Variants in FBLN5 observed in about 807,000 individuals in gnomAD.
The protein encoded by FBLN5 is fibulin-5.
Under a neutral mutation model 61.6 loss-of-function variants are expected in FBLN5, and 24 were observed. The observed-to-expected ratio is 0.39, with a 90% CI of 0.28 to 0.55. The LOEUF is 0.55. Among genes scored for constraint, FBLN5 ranks in the 20% least tolerant of loss-of-function variants. The probability of loss-of-function intolerance (pLI) is 0.65; values close to 1 mark genes in which losing one functional copy is unlikely to be tolerated. For synonymous variants in FBLN5, 213 were observed against 219.8 expected, an observed-to-expected ratio of 0.97 and a Z score of 0.27; for missense variants, 470 against 594.1, an observed-to-expected ratio of 0.79 and a Z score of 2.17.
rs139218416 is a variant in FBLN5, at chr14:91,886,790, C to T, written c.739+403G>A. 3.1e-3 allele frequency among the ~76,000 whole-genome samples: 477 copies of T among 152,274 alleles called. 2 individuals carry two copies. Among genetic ancestry groups the T allele is most frequent in the African/African-American group, 9.6e-3 (400 of 41,548 alleles). ...ATTCAATGTTCCCCCCAACCCTACC[C>T]GATAAGACATGCTATTATTCCTGGG... On this transcript the variant is annotated intron_variant, in intron 7 of 10. Coordinates refer to ENST00000342058, the MANE Select transcript of FBLN5 (RefSeq NM_006329.4).
At chr14:91,941,187 T>A (rs921591666) in intron 2 of FBLN5, among the ~76,000 whole-genome samples, 2 of 152,194 alleles carry the variant, frequency 1.3e-5, no homozygotes, top group African/African-American at 2.4e-5. Flanking sequence ...TTTGCCCCCA[T>A]GAAATCCTCT....
intron 9 of FBLN5, among the ~76,000 whole-genome samples, chr14:91,878,839 C>T (rs990356773): frequency 1.3e-4 from 20 of 152,224 alleles, no homozygotes; most frequent in Admixed American, 1.3e-3. Context: ...TATGGTGTCT[C>T]ATGCCTATAA....
At chr14:91,934,710 G>A (rs1469785907) in intron 4 of FBLN5, among the ~76,000 whole-genome samples, 1 of 152,080 alleles carries the variant, frequency 6.6e-6, no homozygotes, top group Non-Finnish European at 1.5e-5. Flanking sequence ...CACATTCTCT[G>A]GGCAGTGACA....
At chr14:91,919,677 C>T (rs895568425) in intron 4 of FBLN5, among the ~76,000 whole-genome samples, 13 of 152,280 alleles carry the variant, frequency 8.5e-5, no homozygotes, top group African/African-American at 3.1e-4. Context: ...AACTGAGACA[C>T]AAACACCCAC....
intron 4 of FBLN5, 48 bp from the exon 5 acceptor site, chr14:91,895,120 G>T (rs1890168310): frequency 6.2e-7 from 1 of 1,611,552 alleles, no homozygotes; most frequent in African/African-American, 1.3e-5. Flanking sequence ...TCCATCTAGA[G>T]CCCTGGAGCC....
chr14:91,884,078 C>A (rs935405466), intron 7 of FBLN5, among the ~76,000 whole-genome samples: 16 of 152,234 alleles, frequency 1.1e-4, no homozygotes, highest in African/African-American at 3.6e-4. Flanking sequence ...CTCTCACTCA[C>A]AGACCACTGG....
chr14:91,936,945 A>C lies in FBLN5; in HGVS notation c.379+2T>G. On this transcript the variant is annotated splice_donor_variant, in intron 4 of 10. Coordinates refer to ENST00000342058, the MANE Select transcript of FBLN5 (RefSeq NM_006329.4). LOFTEE classifies it high-confidence loss of function. ...AGAGGAACAAAAGGCCGGGCTACTCACCCACACATTGGTTGCTTTCATCCA... is the reference window on the plus strand; with the variant it reads ...AGAGGAACAAAAGGCCGGGCTACTCCCCCACACATTGGTTGCTTTCATCCA... The C allele has an allele frequency of 6.2e-7, 1 of 1,614,150 alleles. No individual in the cohort carries two copies. The highest frequency in any genetic ancestry group is 8.5e-7 in the Non-Finnish European group (1 of 1,180,034).
At chr14:91,940,712 A>T (rs1226879991) in intron 2 of FBLN5, 96 bp from the exon 3 acceptor site, 6 of 1,004,902 alleles carry the variant, frequency 6.0e-6, no homozygotes, top group African/African-American at 4.8e-5. Context: ...GGAGCAAAAA[A>T]GAAAGGCCTC....
At chr14:91,932,465 T>A (rs1393439618) in intron 4 of FBLN5, among the ~76,000 whole-genome samples, 1 of 152,154 alleles carries the variant, frequency 6.6e-6, no homozygotes, top group East Asian at 1.9e-4. Flanking sequence ...ACAGCATGGC[T>A]TCATGCGGCA....
At chr14:91,915,611 C>T (rs1251757096) in intron 4 of FBLN5, among the ~76,000 whole-genome samples, 5 of 136,944 alleles carry the variant, frequency 3.7e-5, no homozygotes, top group East Asian at 2.5e-4. Context: ...GGCATGAACC[C>T]GGGAGGCGGA....
intron 7 of FBLN5, 51 bp downstream of exon 7, chr14:91,887,142 C>G: frequency 6.2e-7 from 1 of 1,609,628 alleles, no homozygotes; most frequent in Non-Finnish European, 8.5e-7. Flanking sequence ...CCTTCAACCC[C>G]TGCCCAGGCC....
At chr14:91,936,866 C>T (rs1287229844) in intron 4 of FBLN5, 81 bp downstream of exon 4, 1 of 1,532,750 alleles carries the variant, frequency 6.5e-7, no homozygotes, top group East Asian at 2.2e-5. Flanking sequence ...AACTAACAAC[C>T]CATTTGTGGT....
intron 7 of FBLN5, among the ~76,000 whole-genome samples, chr14:91,885,782 G>A (rs1005898998): frequency 6.6e-6 from 1 of 152,174 alleles, no homozygotes; most frequent in Non-Finnish European, 1.5e-5. Flanking sequence ...GATTAACGGA[G>A]GATTCTGGAG....
intron 4 of FBLN5, among the ~76,000 whole-genome samples, chr14:91,911,344 G>A (rs976094172): frequency 6.6e-5 from 10 of 152,232 alleles, no homozygotes; most frequent in East Asian, 1.9e-4. Context: ...AAAAACCTTC[G>A]TTTCCTCGTT....
At chr14:91,896,721 G>A (rs766345769) in intron 4 of FBLN5, among the ~76,000 whole-genome samples, 1 of 152,134 alleles carries the variant, frequency 6.6e-6, no homozygotes, top group Non-Finnish European at 1.5e-5. Flanking sequence ...GCAGATTCAG[G>A]GGGGAGCTGG....
intron 10 of FBLN5, among the ~76,000 whole-genome samples, chr14:91,872,776 C>G (rs997345504): frequency 1.3e-5 from 2 of 152,192 alleles, no homozygotes; most frequent in African/African-American, 2.4e-5. Flanking sequence ...GAAACCTGAG[C>G]CCTGGGCCAG....
rs1285347603 is a variant in FBLN5, at chr14:91,885,251, G to C, written c.739+1942C>G. Among the ~76,000 whole-genome samples the C allele has an allele frequency of 2.6e-5, 4 of 152,200 alleles. No homozygotes were observed. The East Asian group carries it at 7.7e-4, about 29-fold the overall frequency. ...GGTGTGCATCATGGAGAACATGGAG[G>C]ACAAGTTGGCCATTTGGGGCAAAAT... On this transcript the variant is annotated intron_variant, in intron 7 of 10. Transcript: ENST00000342058.
Position 91,877,677 on chromosome 14 carries a change from C to CCTGTG in FBLN5, c.994_995insCACAG (p.Cys332SerfsTer76). The CCTGTG allele has an allele frequency of 6.2e-7, 1 of 1,613,868 alleles. No homozygotes were observed. Among genetic ancestry groups the CCTGTG allele is most frequent in the South Asian group, 1.1e-5 (1 of 91,074 alleles). ...GCCAGGGTTCTCAGCAGGACACATACAGCGGCTGTGGAAAGGGAAATCACG... is the reference window on the plus strand; with the variant it reads ...GCCAGGGTTCTCAGCAGGACACATACCTGTGAGCGGCTGTGGAAAGGGAAATCACG... On this transcript the variant is annotated frameshift_variant, in exon 10 of 11. Coordinates refer to ENST00000342058, the MANE Select transcript of FBLN5 (RefSeq NM_006329.4). LOFTEE classifies it high-confidence loss of function.
chr14:91,897,301 G>A (rs1170445230), intron 4 of FBLN5, among the ~76,000 whole-genome samples: 1 of 152,120 alleles, frequency 6.6e-6, no homozygotes, highest in East Asian at 1.9e-4. Context: ...GGGAGCTGGT[G>A]AATAATGCTT....
Sources: allele counts gnomAD v4.1 joint callset (sites outside exome capture counted in the v4.1 genomes callset), GRCh38; gene constraint gnomAD v4.1.1; transcripts MANE v1.5; gene names NCBI Gene and HGNC (gene_info 2026-07-23, HGNC 2026-07-21).